The following PRKCH variants were observed in gnomAD, a reference collection of about 807,000 sequenced individuals.
PRKCH encodes the protein protein kinase C eta.
Under a neutral mutation model 82.5 loss-of-function variants are expected in PRKCH, and 28 were observed. That is an observed-to-expected ratio of 0.34 (90% confidence interval 0.25 to 0.47). The LOEUF (loss-of-function observed/expected upper bound fraction) is 0.47. PRKCH is among the 20% of genes least tolerant of loss of function. PRKCH has a pLI of 1.00. For missense variants in PRKCH, 705 were observed against 881.8 expected (o/e 0.80, Z 2.54); for synonymous variants, 322 against 327.4 (o/e 0.98, Z 0.18).
chr14:61,294,604 A>G (rs796927793), intron 1 of PRKCH, among the ~76,000 whole-genome samples: 3 of 152,154 alleles, frequency 2.0e-5, no homozygotes, highest in African/African-American at 7.2e-5. Flanking sequence ...TGGTAGATTT[A>G]TTGATGGAAT....
chr14:61,330,249 A>G (rs1185769184), intron 1 of PRKCH, among the ~76,000 whole-genome samples: 1 of 152,270 alleles, frequency 6.6e-6, no homozygotes, highest in Non-Finnish European at 1.5e-5. Context: ...GACCCAGCCT[A>G]GAGAGCCACA....
intron 10 of PRKCH, among the ~76,000 whole-genome samples, chr14:61,507,493 G>T (rs1680835545): frequency 6.6e-6 from 1 of 152,120 alleles, no homozygotes; most frequent in South Asian, 2.1e-4. Flanking sequence ...CATGATCATT[G>T]CAGCGTTATT....
At chr14:61,503,423 C>T (rs1038363547) in intron 10 of PRKCH, among the ~76,000 whole-genome samples, 2 of 152,004 alleles carry the variant, frequency 1.3e-5, no homozygotes, top group Non-Finnish European at 2.9e-5. Context: ...CACAGACTGG[C>T]AGAATCTGTG....
chr14:61,352,897 T>G (rs1449981872), intron 1 of PRKCH, among the ~76,000 whole-genome samples: 1 of 152,192 alleles, frequency 6.6e-6, no homozygotes, highest in South Asian at 2.1e-4. Flanking sequence ...AATTCAGGAT[T>G]TTTTCAGTTT....
chr14:61,470,589 C>T (rs1427538513), intron 9 of PRKCH, among the ~76,000 whole-genome samples: 1 of 152,120 alleles, frequency 6.6e-6, no homozygotes, highest in Non-Finnish European at 1.5e-5. Flanking sequence ...TTGGGGCCAC[C>T]CAGGGAGTTC....
At chr14:61,372,161 C>A (rs1266650223) in intron 1 of PRKCH, among the ~76,000 whole-genome samples, 1 of 151,936 alleles carries the variant, frequency 6.6e-6, no homozygotes, top group African/African-American at 2.4e-5. Context: ...ATATTCTTTG[C>A]CCCATCCCTA....
At chr14:61,207,383 GCA>G (rs1424056079) in intron 1 of PRKCH, among the ~76,000 whole-genome samples, 1 of 152,056 alleles carries the variant, frequency 6.6e-6, no homozygotes, top group East Asian at 1.9e-4. Context: ...GTCTGGATTG[GCA>G]CACCCCAATA....
chr14:61,337,566 G>C (rs543701386), intron 1 of PRKCH, among the ~76,000 whole-genome samples: 4 of 152,138 alleles, frequency 2.6e-5, no homozygotes, highest in Non-Finnish European at 5.9e-5. Flanking sequence ...GACTACAGTC[G>C]TGCACCACCG....
At chr14:61,448,793 C>G (rs1303922134) in intron 4 of PRKCH, among the ~76,000 whole-genome samples, 1 of 152,134 alleles carries the variant, frequency 6.6e-6, no homozygotes, top group Non-Finnish European at 1.5e-5. Context: ...CTTGGAGCAG[C>G]CTCTGGAGGG....
chr14:61,341,412 C>T (rs1030135168), intron 1 of PRKCH, among the ~76,000 whole-genome samples: 2 of 152,190 alleles, frequency 1.3e-5, no homozygotes, highest in Non-Finnish European at 2.9e-5. Flanking sequence ...ATGTCACTCT[C>T]CATGTAACTA....
At chr14:61,487,843 AC>A (rs1184238768) in intron 10 of PRKCH, among the ~76,000 whole-genome samples, 2 of 148,956 alleles carry the variant, frequency 1.3e-5, no homozygotes, top group African/African-American at 2.5e-5. Flanking sequence ...AAAAAAAAAA[AC>A]ATATACATAT....
At chr14:61,397,060 A>G (rs2046796990) in intron 2 of PRKCH, among the ~76,000 whole-genome samples, 1 of 152,196 alleles carries the variant, frequency 6.6e-6, no homozygotes, top group Non-Finnish European at 1.5e-5. Context: ...TGATAAGACT[A>G]GATCTAAGGT....
At chr14:61,493,422 A>T (rs558999191) in intron 10 of PRKCH, among the ~76,000 whole-genome samples, 11 of 152,338 alleles carry the variant, frequency 7.2e-5, no homozygotes, top group African/African-American at 2.6e-4. Flanking sequence ...AGCTCCCTTT[A>T]AGGGGCCTCC....
intron 1 of PRKCH, among the ~76,000 whole-genome samples, chr14:61,300,236 T>C (rs544945015): frequency 6.6e-6 from 1 of 152,298 alleles, no homozygotes; most frequent in Admixed American, 6.5e-5. Flanking sequence ...TTTGGAATAC[T>C]TCTGTAGGAT....
intron 10 of PRKCH, among the ~76,000 whole-genome samples, chr14:61,512,249 C>CTTTTT (rs11342820): frequency 3.4e-5 from 4 of 118,536 alleles, no homozygotes; most frequent in African/African-American, 1.0e-4. Flanking sequence ...TCACATGACC[C>CTTTTT]TTTTTTTTTT....
At chr14:61,468,351 A>G (rs1348454868) in intron 9 of PRKCH, among the ~76,000 whole-genome samples, 3 of 152,036 alleles carry the variant, frequency 2.0e-5, no homozygotes, top group Admixed American at 2.0e-4. Context: ...TTTTTAGGTT[A>G]TTAATTGTGG....
intron 1 of PRKCH, among the ~76,000 whole-genome samples, chr14:61,270,220 C>G (rs1398589352): frequency 6.6e-6 from 1 of 152,174 alleles, no homozygotes; most frequent in Non-Finnish European, 1.5e-5. Flanking sequence ...GTAATCCCAG[C>G]ACTTAGGGAG....
At chr14:61,188,589 CG>C (rs1352746320) in intron 1 of PRKCH, among the ~76,000 whole-genome samples, 2 of 39,526 alleles carry the variant, frequency 5.1e-5, no homozygotes, top group Admixed American at 2.9e-4. Context: ...GTGTGTGTGT[CG>C]GGGGGGTGGG....
At chr14:61,512,969 A>G (rs577392614) in intron 10 of PRKCH, among the ~76,000 whole-genome samples, 8 of 152,192 alleles carry the variant, frequency 5.3e-5, no homozygotes, top group Non-Finnish European at 1.2e-4. Flanking sequence ...GGTACACACC[A>G]CCACACCCAG....
Sources: allele counts gnomAD v4.1 joint callset (sites outside exome capture counted in the v4.1 genomes callset), GRCh38; gene constraint gnomAD v4.1.1; transcripts MANE v1.5; gene names NCBI Gene and HGNC (gene_info 2026-07-23, HGNC 2026-07-21).